The following CLEC18B variants were observed in gnomAD, a reference collection of about 807,000 sequenced individuals.
The protein encoded by CLEC18B is C-type lectin domain family 18 member B.
Under a neutral mutation model 60.4 loss-of-function variants are expected in CLEC18B, and 5 were observed. The ratio of observed to expected loss-of-function variants is 0.08; its 90% CI spans 0.04 to 0.17. The LOEUF (loss-of-function observed/expected upper bound fraction) is 0.17. CLEC18B is among the 10% of genes least tolerant of loss of function. CLEC18B has a pLI of 1.00. For missense variants in CLEC18B, 26 were observed against 572.8 expected (o/e 0.05, Z 9.74); for synonymous variants, 16 against 221.2 (o/e 0.07, Z 8.23).
chr16:74,422,522 A>C (rs1262715312), upstream of CLEC18B: 3 of 150,650 alleles, frequency 2.0e-5, no homozygotes, highest in Non-Finnish European at 4.4e-5. Context: ...GAGGCCAGGC[A>C]TACAGGCCAT....
intron 3 of CLEC18B, among the ~76,000 whole-genome samples, chr16:74,414,351 T>A (rs1188264150): frequency 6.6e-6 from 1 of 152,270 alleles, no homozygotes; most frequent in East Asian, 1.9e-4. Flanking sequence ...TAAATGTGAC[T>A]CTGCAGCTTT....
upstream of CLEC18B, chr16:74,422,392 CA>C (rs1273359906): frequency 1.3e-5 from 2 of 152,060 alleles, no homozygotes; most frequent in East Asian, 1.9e-4. Context: ...CCTGAGCCCA[CA>C]CCCTCTCGGA....
intron 2 of CLEC18B, among the ~76,000 whole-genome samples, chr16:74,418,880 G>A (rs112678239): frequency 1.4e-5 from 2 of 144,146 alleles, no homozygotes; most frequent in South Asian, 2.2e-4. Flanking sequence ...TGCAACCTCC[G>A]CCTCCCAGGT....
chr16:74,419,943 C>T (rs1169428828), intron 2 of CLEC18B, among the ~76,000 whole-genome samples: 2 of 152,198 alleles, frequency 1.3e-5, no homozygotes, highest in East Asian at 3.9e-4. Context: ...ACCCCGCAGC[C>T]CCAGCCGGGC....
Position 74,418,116 on chromosome 16 carries a change from CCG to C in CLEC18B, c.397_398del (p.Arg133ValfsTer66), listed in dbSNP as rs1216340553. 1 of 1,544,760 alleles carries C rather than the reference CCG, an allele frequency of 6.5e-7. No homozygotes were observed. Among genetic ancestry groups the C allele is most frequent in the Non-Finnish European group, 8.8e-7 (1 of 1,135,382 alleles). On this transcript the variant is annotated frameshift_variant, in exon 3 of 12. Transcript: ENST00000682950. LOFTEE classifies it high-confidence loss of function. ...CACACTCTCCTGCCGCGTGGCTGTA[CCG>C]CTGCCCCTCTGCAAACCACAGGCTG... The part of the protein sequence containing the change: ...VVSLWFAEGQ[R>X]YSHAAGECAR...
At chr16:74,416,262 CA>C (rs1196546106) in intron 3 of CLEC18B, among the ~76,000 whole-genome samples, 1,265 of 109,512 alleles carry the variant, frequency 0.012, 34 homozygotes, top group Non-Finnish European at 0.017. Flanking sequence ...GACTCCGTCT[CA>C]AAAAAAAAAA....
upstream of CLEC18B, among the ~76,000 whole-genome samples, chr16:74,424,076 C>G (rs1428046865): frequency 6.6e-6 from 1 of 152,232 alleles, no homozygotes; most frequent in Admixed American, 6.5e-5. Context: ...GTAGGATTCA[C>G]ATTTTGCTAT....
At chr16:74,417,467 G>T (rs753388342) in intron 3 of CLEC18B, among the ~76,000 whole-genome samples, 3,652 of 90,360 alleles carry the variant, frequency 0.04, 61 homozygotes, top group East Asian at 0.19. Context: ...ACAAAAAAAT[G>T]AGCTGGGTGT....
At chr16:74,412,613 A>G (rs1356280724) in intron 6 of CLEC18B, among the ~76,000 whole-genome samples, 160 bp downstream of exon 6, 9 of 152,240 alleles carry the variant, frequency 5.9e-5, no homozygotes, top group Non-Finnish European at 2.9e-5. Flanking sequence ...GCAAACAGCT[A>G]GTGCTCAGTG....
At chr16:74,413,783 G>T in intron 3 of CLEC18B, 107 bp from the exon 4 acceptor site, 1 of 1,599,872 alleles carries the variant, frequency 6.3e-7, no homozygotes, top group South Asian at 1.1e-5. Flanking sequence ...TTACCTCTTC[G>T]AGGGCTCAGG....
chr16:74,416,999 C>T (rs2013443498), intron 3 of CLEC18B, among the ~76,000 whole-genome samples: 1 of 152,114 alleles, frequency 6.6e-6, no homozygotes, highest in Admixed American at 6.6e-5. Context: ...TGCGGTGTCT[C>T]ACACGTGTAA....
chr16:74,423,968 G>A (rs1212837922), upstream of CLEC18B, among the ~76,000 whole-genome samples: 4 of 152,202 alleles, frequency 2.6e-5, no homozygotes, highest in Non-Finnish European at 4.4e-5. Flanking sequence ...GAGCCTGCTC[G>A]GTGGCTGGGG....
At chr16:74,423,483 G>C (rs1363682429), upstream of CLEC18B, among the ~76,000 whole-genome samples, 1 of 152,304 alleles carries the variant, frequency 6.6e-6, no homozygotes. Flanking sequence ...GAGGTCAGGA[G>C]CTTGAGACCA....
chr16:74,422,505 TGGGGATGA>T (rs2013724774), upstream of CLEC18B: 1 of 150,582 alleles, frequency 6.6e-6, no homozygotes, highest in Non-Finnish European at 1.5e-5. Flanking sequence ...GTGCCAGGGA[TGGGGATGA>T]GGCCAGGCAT....
At position 74,421,460 on chromosome 16, in the gene CLEC18B, G is replaced by C; in HGVS notation, c.-190C>G. 1.1e-6 allele frequency: 1 copy of C among 912,504 alleles called. No homozygotes were observed. Among genetic ancestry groups the C allele is most frequent in the South Asian group, 1.8e-5 (1 of 55,194 alleles). The allele number at this position is 912,504 out of a possible 1,614,324, so 56.5% of individuals were successfully genotyped here. A position where few individuals can be genotyped will look rare whatever the true frequency, so the allele number is the denominator to read the frequency against. On this transcript the variant is annotated 5_prime_UTR_variant, in exon 1 of 12. Coordinates refer to ENST00000682950, the MANE Select transcript of CLEC18B (RefSeq NM_001385193.1). ...CAGTGTGTCCAGACAGCCTCCTGTT[G>C]GCGCTGGCATGAAAAGAGACAACTC...
chr16:74,422,954 A>T (rs1272640682), upstream of CLEC18B, among the ~76,000 whole-genome samples: 8 of 148,678 alleles, frequency 5.4e-5, no homozygotes, highest in African/African-American at 2.0e-4. Context: ...GGCATGAGCC[A>T]CCACACCTGG....
intron 4 of CLEC18B, 115 bp from the exon 5 acceptor site, chr16:74,413,273 G>T: frequency 6.2e-7 from 1 of 1,604,388 alleles, no homozygotes; most frequent in Non-Finnish European, 8.5e-7. Context: ...CCAGGCCAGG[G>T]AGTCAGGGAG....
upstream of CLEC18B, chr16:74,421,697 C>T (rs1004495474): frequency 9.5e-6 from 3 of 314,642 alleles, no homozygotes; most frequent in Non-Finnish European, 1.8e-5. Flanking sequence ...CAGTGTCCTC[C>T]GAGCCCACTG....
chr16:74,419,986 C>T (rs2013605696), intron 2 of CLEC18B, among the ~76,000 whole-genome samples: 1 of 152,278 alleles, frequency 6.6e-6, no homozygotes, highest in African/African-American at 2.4e-5. Context: ...GACCCCTGGC[C>T]CCTGCTGAAA....
Sources: gnomAD v4.1 joint callset for allele counts (sites outside exome capture counted in the v4.1 genomes callset) on GRCh38, gnomAD v4.1.1 for gene constraint, MANE v1.5 for transcripts, NCBI Gene and HGNC (gene_info 2026-07-23, HGNC 2026-07-21) for gene names.